RNF38: variants seen among roughly 807,000 people sequenced by gnomAD.
RNF38 encodes the protein ring finger protein 38.
Under a neutral mutation model 67.2 loss-of-function variants are expected in RNF38, and 15 were observed. The ratio of observed to expected loss-of-function variants is 0.22; its 90% CI spans 0.15 to 0.34. The LOEUF (loss-of-function observed/expected upper bound fraction) is 0.34, where lower values mean the gene tolerates loss of function less well. Among genes scored for constraint, RNF38 ranks in the 10% least tolerant of loss-of-function variants. The probability of loss-of-function intolerance (pLI) is 1.00; values close to 1 mark genes in which losing one functional copy is unlikely to be tolerated. For synonymous variants in RNF38, 220 were observed against 218.8 expected, an observed-to-expected ratio of 1.01 and a Z score of -0.05; for missense variants, 524 against 639.9, an observed-to-expected ratio of 0.82 and a Z score of 1.95.
intron 4 of RNF38, among the ~76,000 whole-genome samples, chr9:36,363,873 A>ATTT (rs558655028): frequency 2.6e-5 from 2 of 76,306 alleles, no homozygotes; most frequent in African/African-American, 7.7e-5. Context: ...TTATATGCAG[A>ATTT]TTTTTTTTTT....
At chr9:36,361,932 G>A in intron 4 of RNF38, among the ~76,000 whole-genome samples, 1 of 152,164 alleles carries the variant, frequency 6.6e-6, no homozygotes, top group East Asian at 1.9e-4. Context: ...GACATATGAT[G>A]CACAGCACAA....
intron 1 of RNF38, among the ~76,000 whole-genome samples, chr9:36,481,741 C>G (rs1840274008): frequency 6.6e-6 from 1 of 152,172 alleles, no homozygotes; most frequent in Admixed American, 6.6e-5. Context: ...CTGAAAAACT[C>G]TGCCATTATT....
intron 1 of RNF38, among the ~76,000 whole-genome samples, chr9:36,467,645 C>G (rs1839896037): frequency 6.6e-6 from 1 of 152,110 alleles, no homozygotes; most frequent in Non-Finnish European, 1.5e-5. Context: ...ATAATAAAAC[C>G]CACTATAGCT....
At chr9:36,413,234 TA>T (rs1358283240) in intron 2 of RNF38, among the ~76,000 whole-genome samples, 1,605 of 139,356 alleles carry the variant, frequency 0.012, 16 homozygotes, top group African/African-American at 0.027. Context: ...CATCTCAATT[TA>T]AAAAAAAAAA....
At chr9:36,450,228 T>C (rs942462643) in intron 1 of RNF38, among the ~76,000 whole-genome samples, 2 of 152,168 alleles carry the variant, frequency 1.3e-5, no homozygotes, top group Non-Finnish European at 2.9e-5. Context: ...AAAAACCCTG[T>C]ACCCAGTAAG....
At chr9:36,376,239 G>A (rs913958676) in intron 2 of RNF38, 112 bp from the exon 3 acceptor site, 25 of 793,620 alleles carry the variant, frequency 3.2e-5, no homozygotes, top group Middle Eastern at 7.5e-4. Flanking sequence ...AATGTAAAGC[G>A]GGGAAAAAAA....
chr9:36,448,114 T>G (rs1359012669), intron 1 of RNF38, among the ~76,000 whole-genome samples: 1 of 152,166 alleles, frequency 6.6e-6, no homozygotes, highest in Non-Finnish European at 1.5e-5. Flanking sequence ...CACAGAAACT[T>G]AATGACAGGG....
In RNF38 at chr9:36,338,574, G is replaced by A. The variant is rs1435137870; in HGVS notation, c.*1178C>T. On this transcript the variant is annotated 3_prime_UTR_variant, in exon 12 of 12. Coordinates refer to ENST00000259605, the MANE Select transcript of RNF38 (RefSeq NM_022781.5). ...GTGAATTAATATGAACAGAAATAGA[G>A]TTTTCTTAAAACAATTGAGTTGCCC... The A allele has an allele frequency of 1.3e-5, 2 of 152,158 alleles. No individual in the cohort carries two copies. Among genetic ancestry groups the A allele is most frequent in the Non-Finnish European group, 2.9e-5 (2 of 68,034 alleles). 9.4% of individuals were successfully genotyped at this position (152,158 alleles called of 1,614,324 possible).
intron 1 of RNF38, among the ~76,000 whole-genome samples, chr9:36,454,090 G>A (rs1451711512): frequency 6.6e-6 from 1 of 151,720 alleles, no homozygotes; most frequent in African/African-American, 2.4e-5. Context: ...ATATTAAAAT[G>A]TACCTACAAT....
intron 4 of RNF38, among the ~76,000 whole-genome samples, chr9:36,361,835 T>C (rs1477301008): frequency 2.6e-5 from 4 of 152,174 alleles, no homozygotes; most frequent in Non-Finnish European, 4.4e-5. Flanking sequence ...TTGTCTACTT[T>C]TGACTCCTGC....
At chr9:36,397,282 T>C (rs1485157624) in intron 1 of RNF38, among the ~76,000 whole-genome samples, 1 of 151,960 alleles carries the variant, frequency 6.6e-6, no homozygotes, top group Non-Finnish European at 1.5e-5. Flanking sequence ...CCCGACTAAT[T>C]TTTTTATTTT....
intron 1 of RNF38, among the ~76,000 whole-genome samples, chr9:36,390,902 T>G (rs369304216): frequency 3.9e-5 from 6 of 152,194 alleles, no homozygotes; most frequent in Admixed American, 1.3e-4. Context: ...TCTGCTGGTG[T>G]TAATTCCGAA....
At position 36,456,800 on chromosome 9, in the gene RNF38, G is replaced by A. The variant is rs1454869882; in HGVS notation, n.241+30508C>T. Among the ~76,000 whole-genome samples the A allele has an allele frequency of 3.9e-5, 6 of 152,032 alleles. 1 individual carries two copies. The highest frequency in any genetic ancestry group is 1.3e-4 in the Admixed American group (2 of 15,248). ...GCCAAGCATGAAGACCAACAGATTG[G>A]GCCATGTTGATCACTGTGCTAACTT... On this transcript the variant is annotated intron_variant and non_coding_transcript_variant, in intron 1 of 3. Transcript: ENST00000488058.
At chr9:36,432,686 G>A (rs1019193708) in intron 1 of RNF38, among the ~76,000 whole-genome samples, 7 of 151,950 alleles carry the variant, frequency 4.6e-5, no homozygotes, top group East Asian at 1.9e-4. Flanking sequence ...CCACCTACTC[G>A]GGAGGCTGAG....
rs370971789 is a variant in RNF38, at chr9:36,439,707, C to T, written n.242-15024G>A. 4.7e-5 allele frequency among the ~76,000 whole-genome samples: 7 copies of T among 148,502 alleles called. No homozygotes were observed. In the South Asian group the frequency reaches 1.5e-3, roughly 32 times the overall value. On this transcript the variant is annotated intron_variant and non_coding_transcript_variant, in intron 1 of 3. Coordinates refer to the RNF38 transcript ENST00000488058. ...TTAGTCCCAGCTACTAGAGAAATCGCTTGAACCTGGGAGGTGGAGGTTGTA... is the reference window on the plus strand; with the variant it reads ...TTAGTCCCAGCTACTAGAGAAATCGTTTGAACCTGGGAGGTGGAGGTTGTA...
At chr9:36,355,653 C>T (rs1374166628) in intron 6 of RNF38, among the ~76,000 whole-genome samples, 1 of 151,972 alleles carries the variant, frequency 6.6e-6, no homozygotes, top group African/African-American at 2.4e-5. Flanking sequence ...AAAAACAATA[C>T]AACTAAAAAC....
exon 1 of RNF38, chr9:36,487,334 C>T (rs1840442004): frequency 1.0e-6 from 1 of 985,158 alleles, no homozygotes; most frequent in Non-Finnish European, 1.2e-6. Flanking sequence ...GCCGCAGGCG[C>T]CGCCACCCTG....
intron 1 of RNF38, among the ~76,000 whole-genome samples, chr9:36,457,013 A>G (rs978852473): frequency 6.6e-5 from 10 of 152,112 alleles, no homozygotes; most frequent in African/African-American, 2.4e-4. Flanking sequence ...TTTTTGCACT[A>G]CTTCATCAAC....
intron 1 of RNF38, among the ~76,000 whole-genome samples, chr9:36,427,655 G>GCCTC (rs1838806253): frequency 7.1e-6 from 1 of 141,790 alleles, no homozygotes; most frequent in African/African-American, 2.6e-5. Flanking sequence ...GAATTTCCCA[G>GCCTC]CCTCTATCTA....
Sources: gnomAD v4.1 joint callset for allele counts (sites outside exome capture counted in the v4.1 genomes callset) on GRCh38, gnomAD v4.1.1 for gene constraint, MANE v1.5 for transcripts, NCBI Gene and HGNC (gene_info 2026-07-23, HGNC 2026-07-21) for gene names.